The following CNTNAP2 variants were observed in gnomAD, a reference collection of about 807,000 sequenced individuals.
CNTNAP2 encodes the protein contactin associated protein 2.
In CNTNAP2, 98 loss-of-function variants were observed where a neutral mutation model predicts 155.2. The ratio of observed to expected loss-of-function variants is 0.63; its 90% CI spans 0.54 to 0.75. CNTNAP2 has a LOEUF of 0.75. Ranked by LOEUF, CNTNAP2 falls within the 30% of genes least tolerant of loss-of-function variation. CNTNAP2 has a pLI of 0.00. For missense variants in CNTNAP2, 1,727 were observed against 1,688.1 expected (o/e 1.02, Z -0.40); for synonymous variants, 651 against 631.2 (o/e 1.03, Z -0.47).
At chr7:146,149,591 G>T (rs111277290) in intron 1 of CNTNAP2, among the ~76,000 whole-genome samples, 15 of 152,008 alleles carry the variant, frequency 9.9e-5, no homozygotes, top group African/African-American at 3.4e-4. Context: ...TCCAGAACTA[G>T]ATCCACGCAG....
At chr7:146,561,480 C>A (rs557404719) in intron 1 of CNTNAP2, among the ~76,000 whole-genome samples, 1 of 151,988 alleles carries the variant, frequency 6.6e-6, no homozygotes, top group Admixed American at 6.6e-5. Context: ...CATAATGAGA[C>A]CCTGTCTCTC....
At chr7:146,610,007 A>C (rs530395101) in intron 1 of CNTNAP2, among the ~76,000 whole-genome samples, 2 of 152,340 alleles carry the variant, frequency 1.3e-5, no homozygotes, top group African/African-American at 4.8e-5. Context: ...TGATTGAACA[A>C]GTCTCCCAGG....
rs955270556 is a variant in CNTNAP2 at position 147,583,616 on chromosome 7, T to C, written c.1897+21359T>C. Among the ~76,000 whole-genome samples the C allele has an allele frequency of 4.0e-5, 6 of 150,948 alleles. No homozygotes were observed. The East Asian group carries it at 1.2e-3, about 29-fold the overall frequency. ...GTTAGTTTACATTTTTCTATTCTGATCCATGTACCAATTTTAAAGTTTAAC... is the reference window on the plus strand; with the variant it reads ...GTTAGTTTACATTTTTCTATTCTGACCCATGTACCAATTTTAAAGTTTAAC... On this transcript the variant is annotated intron_variant, in intron 12 of 23. Transcript: ENST00000361727.
intron 13 of CNTNAP2, among the ~76,000 whole-genome samples, chr7:147,887,938 C>T (rs958856948): frequency 1.3e-5 from 2 of 152,154 alleles, no homozygotes; most frequent in Non-Finnish European, 2.9e-5. Context: ...TTGGAGAAAA[C>T]TCAAGCTGAA....
chr7:148,083,516 G>A (rs1241374656), intron 15 of CNTNAP2, among the ~76,000 whole-genome samples: 1 of 152,138 alleles, frequency 6.6e-6, no homozygotes, highest in Admixed American at 6.5e-5. Context: ...AGGCAGAGAG[G>A]AGAAAGTGGA....
At chr7:147,525,839 C>G (rs561235864) in intron 11 of CNTNAP2, among the ~76,000 whole-genome samples, 2 of 152,178 alleles carry the variant, frequency 1.3e-5, no homozygotes, top group East Asian at 3.9e-4. Context: ...CCAACAGAAA[C>G]TTTTTCTTGG....
chr7:148,364,985 C>A (rs150640862), intron 21 of CNTNAP2, among the ~76,000 whole-genome samples: 2 of 152,148 alleles, frequency 1.3e-5, no homozygotes, highest in East Asian at 1.9e-4. Flanking sequence ...GAAGAAACTC[C>A]GAACACATCT....
At chr7:147,286,505 A>G (rs1805182363) in intron 8 of CNTNAP2, among the ~76,000 whole-genome samples, 1 of 152,068 alleles carries the variant, frequency 6.6e-6, no homozygotes, top group South Asian at 2.1e-4. Context: ...AACGGAACGT[A>G]AGAAAAATAA....
intron 1 of CNTNAP2, among the ~76,000 whole-genome samples, chr7:146,297,186 T>C (rs1363954304): frequency 6.6e-6 from 1 of 152,138 alleles, no homozygotes; most frequent in Non-Finnish European, 1.5e-5. Flanking sequence ...ATAGATGATA[T>C]ATAGAAAAAC....
chr7:146,747,507 T>G (rs761552368), intron 1 of CNTNAP2, among the ~76,000 whole-genome samples: 4 of 152,198 alleles, frequency 2.6e-5, no homozygotes, highest in Admixed American at 6.5e-5. Context: ...TTGTCTGTTT[T>G]ATAGTGAAAA....
intron 12 of CNTNAP2, among the ~76,000 whole-genome samples, chr7:147,570,576 A>G: frequency 6.6e-6 from 1 of 152,242 alleles, no homozygotes; most frequent in South Asian, 2.1e-4. Flanking sequence ...TTATACAGGT[A>G]CCTGCATACA....
At chr7:148,283,307 G>GAAA (rs869305935) in intron 21 of CNTNAP2, among the ~76,000 whole-genome samples, 11,120 of 56,308 alleles carry the variant, frequency 0.2, 1,247 homozygotes, top group Non-Finnish European at 0.25. Flanking sequence ...AAGAAAGAAA[G>GAAA]GAAGGAAGGA....
chr7:146,884,945 T>C (rs1410251091), intron 3 of CNTNAP2, among the ~76,000 whole-genome samples: 1 of 152,164 alleles, frequency 6.6e-6, no homozygotes, highest in Non-Finnish European at 1.5e-5. Flanking sequence ...TAAAGGTAAG[T>C]CTCTACAAGC....
chr7:146,479,388 G>A (rs1418530746), intron 1 of CNTNAP2, among the ~76,000 whole-genome samples: 1 of 152,112 alleles, frequency 6.6e-6, no homozygotes, highest in African/African-American at 2.4e-5. Context: ...CTAAACCTCT[G>A]TCTGATAATA....
chr7:148,104,744 T>C (rs921849541), intron 15 of CNTNAP2, among the ~76,000 whole-genome samples: 10 of 152,220 alleles, frequency 6.6e-5, no homozygotes, highest in African/African-American at 2.4e-4. Context: ...TCATTGTCAG[T>C]ACCACCTGAG....
At chr7:147,199,110 C>T (rs1802869421) in intron 8 of CNTNAP2, among the ~76,000 whole-genome samples, 1 of 151,970 alleles carries the variant, frequency 6.6e-6, no homozygotes, top group Admixed American at 6.6e-5. Flanking sequence ...TACAGGCGCA[C>T]ACCGTCATGG....
chr7:146,588,002 G>GTA, intron 1 of CNTNAP2, among the ~76,000 whole-genome samples: 1 of 132,542 alleles, frequency 7.5e-6, no homozygotes, highest in South Asian at 2.4e-4. Context: ...CAAACCGTGT[G>GTA]TGTATGTGTG....
chr7:147,574,373 C>G (rs991046234), intron 12 of CNTNAP2, among the ~76,000 whole-genome samples: 5 of 151,912 alleles, frequency 3.3e-5, no homozygotes, highest in African/African-American at 1.2e-4. Context: ...GTCTTGTTGA[C>G]TTGGAGCTTT....
intron 1 of CNTNAP2, among the ~76,000 whole-genome samples, chr7:146,422,723 G>C (rs558606322): frequency 6.6e-6 from 1 of 152,194 alleles, no homozygotes; most frequent in Non-Finnish European, 1.5e-5. Context: ...TGGGGCTCAA[G>C]CAATCTGCCT....
Sources: allele counts gnomAD v4.1 joint callset (sites outside exome capture counted in the v4.1 genomes callset), GRCh38; gene constraint gnomAD v4.1.1; transcripts MANE v1.5; gene names NCBI Gene and HGNC (gene_info 2026-07-23, HGNC 2026-07-21).